MEOX2: variants seen among roughly 807,000 people sequenced by gnomAD.
MEOX2 encodes mesenchyme homeobox 2, also known as homeobox protein MOX-2.
MEOX2 carries 11 observed loss-of-function variants against 27.0 expected under a neutral mutation model. That is an observed-to-expected ratio of 0.41 (90% confidence interval 0.26 to 0.68). The LOEUF is 0.68. Ranked by LOEUF, MEOX2 falls within the 30% of genes least tolerant of loss-of-function variation. The pLI is 0.33. For synonymous variants in MEOX2, 189 were observed against 155.4 expected, an observed-to-expected ratio of 1.22 and a Z score of -1.61; for missense variants, 436 against 385.4, an observed-to-expected ratio of 1.13 and a Z score of -1.10.
At chr7:15,644,172 G>A (rs1317180356) in intron 1 of MEOX2, among the ~76,000 whole-genome samples, 1 of 152,082 alleles carries the variant, frequency 6.6e-6, no homozygotes, top group Non-Finnish European at 1.5e-5. Flanking sequence ...CTTGGGCGAT[G>A]AGCACTCAGA....
chr7:15,684,660 A>G (rs1782348985), intron 1 of MEOX2, among the ~76,000 whole-genome samples: 1 of 152,218 alleles, frequency 6.6e-6, no homozygotes, highest in Non-Finnish European at 1.5e-5. Context: ...CACACGATCA[A>G]CATTTTTCCA....
At chr7:15,670,406 T>C (rs1254852084) in intron 1 of MEOX2, among the ~76,000 whole-genome samples, 4 of 152,230 alleles carry the variant, frequency 2.6e-5, no homozygotes, top group African/African-American at 9.6e-5. Flanking sequence ...TTGAATCTGA[T>C]AATCTCTTTG....
rs567433281 is a variant in MEOX2, at chr7:15,665,580, T to C, written c.517+20306A>G. Reference sequence around the variant, plus strand: ...AACTCCAGAATGGTCCAAATTATTCTTCCCCCAAAATGACCAATTTTACCA... The same window carrying C: ...AACTCCAGAATGGTCCAAATTATTCCTCCCCCAAAATGACCAATTTTACCA... On this transcript the variant is annotated intron_variant, in intron 1 of 2. Transcript: ENST00000262041. 2.1e-4 allele frequency among the ~76,000 whole-genome samples: 32 copies of C among 152,282 alleles called. No individual in the cohort carries two copies. The South Asian group carries it at 6.4e-3, about 31-fold the overall frequency.
At chr7:15,657,520 T>C (rs1781842906) in intron 1 of MEOX2, among the ~76,000 whole-genome samples, 1 of 152,230 alleles carries the variant, frequency 6.6e-6, no homozygotes, top group South Asian at 2.1e-4. Flanking sequence ...TTTTTAGTTT[T>C]ATAATTTCCA....
intron 1 of MEOX2, among the ~76,000 whole-genome samples, chr7:15,673,944 C>T (rs1022709055): frequency 2.6e-5 from 4 of 151,848 alleles, no homozygotes; most frequent in Admixed American, 1.3e-4. Flanking sequence ...TTCACTTTGC[C>T]ACAAAAGCAG....
At chr7:15,676,855 C>T (rs914497133) in intron 1 of MEOX2, among the ~76,000 whole-genome samples, 2 of 146,296 alleles carry the variant, frequency 1.4e-5, no homozygotes, top group African/African-American at 2.6e-5. Flanking sequence ...AAAACTCGGT[C>T]TCAAAAAAAA....
intron 1 of MEOX2, among the ~76,000 whole-genome samples, chr7:15,627,794 G>A (rs1781337946): frequency 6.7e-5 from 3 of 44,508 alleles, no homozygotes; most frequent in Admixed American, 4.5e-4. Flanking sequence ...AAAGCAGAAC[G>A]TGAATCAATA....
At chr7:15,657,719 A>G (rs958523703) in intron 1 of MEOX2, among the ~76,000 whole-genome samples, 1 of 152,206 alleles carries the variant, frequency 6.6e-6, no homozygotes, top group Non-Finnish European at 1.5e-5. Context: ...TTAAGATGCA[A>G]TGATGGTCAC....
chr7:15,685,855 G>C (rs1457905421), intron 1 of MEOX2, 31 bp downstream of exon 1: 1 of 1,548,554 alleles, frequency 6.5e-7, no homozygotes, highest in South Asian at 1.2e-5. Flanking sequence ...AGCCCGGCGC[G>C]CACTCTCGAG....
chr7:15,620,573 CA>C lies in MEOX2; in HGVS notation c.690+6172del, dbSNP rs546511015. On this transcript the variant is annotated intron_variant, in intron 2 of 2. Coordinates refer to ENST00000262041, the MANE Select transcript of MEOX2 (RefSeq NM_005924.5). ...GGGTGACAAACAACAACAACAACAACAAAAAAGCAAAACAAAAAAAACAGCT... is the reference window on the plus strand; with the variant it reads ...GGGTGACAAACAACAACAACAACAACAAAAAGCAAAACAAAAAAAACAGCT... Among the ~76,000 whole-genome samples, 146 of 151,862 alleles carry C rather than the reference CA, an allele frequency of 9.6e-4. 1 individual carries two copies. The highest frequency in any genetic ancestry group is 3.4e-3 in the African/African-American group (141 of 41,412).
chr7:15,624,029 C>G (rs1392304501), intron 2 of MEOX2, among the ~76,000 whole-genome samples: 1 of 152,154 alleles, frequency 6.6e-6, no homozygotes, highest in Non-Finnish European at 1.5e-5. Context: ...TTATTTCATA[C>G]CCATTATGAT....
Position 15,662,416 on chromosome 7 carries a change from A to G in MEOX2, c.517+23470T>C, listed in dbSNP as rs368614671. On this transcript the variant is annotated intron_variant, in intron 1 of 2. Transcript: ENST00000262041. ...TATAGTTAATTTTAAAAATCTGTAT[A>G]CCAAACTGCTCCAATAGCATGAATA... Among the ~76,000 whole-genome samples the G allele has an allele frequency of 1.2e-4, 18 of 152,180 alleles. No homozygotes were observed. In the East Asian group the frequency reaches 3.5e-3, roughly 30 times the overall value.
At chr7:15,666,960 C>G (rs1782017386) in intron 1 of MEOX2, among the ~76,000 whole-genome samples, 1 of 150,402 alleles carries the variant, frequency 6.6e-6, no homozygotes. Context: ...ATTCTGGCCA[C>G]CATCTACTAG....
At position 15,636,567 on chromosome 7, in the gene MEOX2, A is replaced by G. The variant is rs1362912178; in HGVS notation, c.518-9649T>C. On this transcript the variant is annotated intron_variant, in intron 1 of 2. Transcript: ENST00000262041. ...GCTGACGAATCTGCATTATAATCAA[A>G]TTGTGATTGTTTTTTGCAAAGATTT... 2.6e-5 allele frequency among the ~76,000 whole-genome samples: 4 copies of G among 152,004 alleles called. No homozygotes were observed. In the East Asian group the frequency reaches 7.7e-4, roughly 29 times the overall value.
chr7:15,624,908 G>C (rs1781275558), intron 2 of MEOX2, among the ~76,000 whole-genome samples: 1 of 152,114 alleles, frequency 6.6e-6, no homozygotes, highest in African/African-American at 2.4e-5. Flanking sequence ...AGCTCCTGAA[G>C]TCAGTTAGAA....
intron 1 of MEOX2, among the ~76,000 whole-genome samples, chr7:15,641,579 G>T (rs80201880): frequency 6.6e-6 from 1 of 152,026 alleles, no homozygotes; most frequent in African/African-American, 2.4e-5. Context: ...TTGCCAATCT[G>T]TATCTTTTAA....
chr7:15,685,600 C>T (rs1782367058), intron 1 of MEOX2, among the ~76,000 whole-genome samples: 1 of 152,206 alleles, frequency 6.6e-6, no homozygotes, highest in South Asian at 2.1e-4. Flanking sequence ...GCTTCACAAT[C>T]GATTTCACAG....
At chr7:15,619,764 G>C (rs577562539) in intron 2 of MEOX2, among the ~76,000 whole-genome samples, 1 of 151,790 alleles carries the variant, frequency 6.6e-6, no homozygotes, top group African/African-American at 2.4e-5. Context: ...TATTCTTAAG[G>C]CCAGTTCAAT....
chr7:15,671,310 A>G (rs570606822), intron 1 of MEOX2, among the ~76,000 whole-genome samples: 144 of 152,340 alleles, frequency 9.5e-4, no homozygotes, highest in African/African-American at 3.1e-3. Context: ...ATCTGTTCTT[A>G]TGAACTAAAG....
Sources: allele counts gnomAD v4.1 joint callset (sites outside exome capture counted in the v4.1 genomes callset), GRCh38; gene constraint gnomAD v4.1.1; transcripts MANE v1.5; gene names NCBI Gene and HGNC (gene_info 2026-07-23, HGNC 2026-07-21).